USH2A: variants seen among roughly 807,000 people sequenced by gnomAD.
The protein encoded by USH2A is usherin.
Under a neutral mutation model 538.9 loss-of-function variants are expected in USH2A, and 443 were observed. The ratio of observed to expected loss-of-function variants is 0.82; its 90% CI spans 0.76 to 0.89. USH2A has a LOEUF of 0.89. USH2A is among the 40% of genes least tolerant of loss of function. The probability of loss-of-function intolerance (pLI) is 0.00; values close to 1 mark genes in which losing one functional copy is unlikely to be tolerated. For missense variants in USH2A, 6,633 were observed against 6,324.8 expected, an observed-to-expected ratio of 1.05 and a Z score of -1.65; for synonymous variants, 2,413 against 2,273.5, an observed-to-expected ratio of 1.06 and a Z score of -1.75.
At chr1:215,766,400 C>A (rs892629492) in intron 56 of USH2A, among the ~76,000 whole-genome samples, 11 of 152,094 alleles carry the variant, frequency 7.2e-5, no homozygotes, top group African/African-American at 2.2e-4. Flanking sequence ...ATATTAGATG[C>A]TCCCAAAATA....
chr1:215,804,802 G>A (rs1489591832), intron 49 of USH2A, among the ~76,000 whole-genome samples: 2 of 152,060 alleles, frequency 1.3e-5, no homozygotes, highest in African/African-American at 4.8e-5. Context: ...TCAAAGGATT[G>A]TAAATCATGC....
At chr1:215,845,615 T>G (rs902028529) in intron 45 of USH2A, among the ~76,000 whole-genome samples, 6 of 152,132 alleles carry the variant, frequency 3.9e-5, no homozygotes, top group African/African-American at 1.4e-4. Flanking sequence ...GGCTAATATC[T>G]CATTATTAGA....
At chr1:215,888,344 A>G (rs1174763853) in intron 41 of USH2A, 82 bp downstream of exon 41, 1 of 1,594,712 alleles carries the variant, frequency 6.3e-7, no homozygotes, top group Non-Finnish European at 8.5e-7. Flanking sequence ...TTGTTTAGTC[A>G]GTAGATGGCT....
chr1:215,727,959 G>A (rs1659876003), intron 61 of USH2A, 71 bp downstream of exon 61: 1 of 1,532,006 alleles, frequency 6.5e-7, no homozygotes, highest in Non-Finnish European at 9.0e-7. Context: ...ATGAGAAGTT[G>A]GACAAGAAAA....
At chr1:216,022,791 G>A (rs901418486) in intron 32 of USH2A, among the ~76,000 whole-genome samples, 6 of 152,158 alleles carry the variant, frequency 3.9e-5, no homozygotes, top group African/African-American at 1.4e-4. Flanking sequence ...CACCTGACGA[G>A]GAATATCTAA....
chr1:216,038,105 A>G (rs1426134935), intron 32 of USH2A, among the ~76,000 whole-genome samples: 1 of 152,016 alleles, frequency 6.6e-6, no homozygotes, highest in East Asian at 1.9e-4. Flanking sequence ...TCCCTTCTAA[A>G]TTGATGTGGA....
intron 47 of USH2A, among the ~76,000 whole-genome samples, chr1:215,836,526 TTATA>T (rs370622396): frequency 2.3e-4 from 6 of 26,486 alleles, no homozygotes; most frequent in East Asian, 1.7e-3. Flanking sequence ...ATAATATATA[TTATA>T]TATATATATA....
chr1:216,190,083 A>T (rs781629080), intron 20 of USH2A, 140 bp downstream of exon 20: 18 of 1,227,066 alleles, frequency 1.5e-5, no homozygotes, highest in Non-Finnish European at 1.9e-5. Context: ...GTTGTTTAAA[A>T]CTGTTGAGGT....
chr1:215,727,941 G>C (rs1659875642), intron 61 of USH2A, 89 bp downstream of exon 61: 24 of 1,454,424 alleles, frequency 1.7e-5, no homozygotes, highest in Non-Finnish European at 1.2e-5. Flanking sequence ...AGCCCTAAGT[G>C]AAGAAAAATG....
At chr1:216,070,809 T>G (rs1023431145) in intron 29 of USH2A, among the ~76,000 whole-genome samples, 1 of 150,550 alleles carries the variant, frequency 6.6e-6, no homozygotes, top group Non-Finnish European at 1.5e-5. Flanking sequence ...AAAAGCAAAG[T>G]TCTACCAGAT....
rs2102664789 is a variant in USH2A at position 215,674,264 on chromosome 1, T to C, written c.13647A>G (p.Leu4549=). The stretch of plus-strand genomic sequence containing the variant: ...TTCTCACTGGAGGGTCCCAGTTCAC[T>C]AAGATCTCCTGAGGACCCCTGGCCT... ...KLQARGPQEI[L]VNWDPPVRTN... Residue 4549 remains leucine, a synonymous_variant, in exon 63 of 72, where the codon TTA becomes TTG. Transcript: ENST00000307340. The C allele has an allele frequency of 1.9e-6, 3 of 1,614,156 alleles. No homozygotes were observed. In the South Asian group the frequency reaches 3.3e-5, roughly 18 times the overall value.
In USH2A at chr1:215,766,797, AG is replaced by A; in HGVS notation, c.10940-10del. The A allele has an allele frequency of 6.2e-7, 1 of 1,610,836 alleles. No individual in the cohort carries two copies. The highest frequency in any genetic ancestry group is 8.5e-7 in the Non-Finnish European group (1 of 1,177,074). ...GGTGTATGGCTGGAGACCTAGAAAAAGCAAGCAAGAAATAAAGTGCACCTTA... is the reference window on the plus strand; with the variant it reads ...GGTGTATGGCTGGAGACCTAGAAAAACAAGCAAGAAATAAAGTGCACCTTA... On this transcript the variant is annotated splice_polypyrimidine_tract_variant and intron_variant, in intron 55 of 71. Transcript: ENST00000307340.
chr1:216,318,865 C>A (rs778497035), intron 9 of USH2A, among the ~76,000 whole-genome samples: 23 of 152,024 alleles, frequency 1.5e-4, no homozygotes, highest in Non-Finnish European at 8.8e-5. Flanking sequence ...CAATCATGAG[C>A]CTTCATTCAT....
intron 60 of USH2A, among the ~76,000 whole-genome samples, chr1:215,731,980 T>C (rs1660006943): frequency 6.6e-6 from 1 of 152,216 alleles, no homozygotes; most frequent in South Asian, 2.1e-4. Flanking sequence ...AAAGTGGAGT[T>C]AATAACCTCA....
intron 14 of USH2A, among the ~76,000 whole-genome samples, chr1:216,229,267 C>A (rs1464801913): frequency 6.6e-6 from 1 of 151,814 alleles, no homozygotes; most frequent in Non-Finnish European, 1.5e-5. Flanking sequence ...AGACTCCAAC[C>A]TGCCCCTCAT....
At chr1:216,308,891 T>C (rs1194650785) in intron 9 of USH2A, among the ~76,000 whole-genome samples, 3 of 152,236 alleles carry the variant, frequency 2.0e-5, no homozygotes, top group Non-Finnish European at 4.4e-5. Context: ...TGCTTGTTTT[T>C]TGAGTATGTC....
chr1:215,816,089 T>A (rs1363753890), intron 48 of USH2A, among the ~76,000 whole-genome samples: 1 of 152,038 alleles, frequency 6.6e-6, no homozygotes, highest in Non-Finnish European at 1.5e-5. Context: ...TTTTCTTAAG[T>A]GGAGGATATG....
At chr1:216,248,639 T>C (rs540974365) in intron 12 of USH2A, among the ~76,000 whole-genome samples, 3 of 152,082 alleles carry the variant, frequency 2.0e-5, no homozygotes, top group African/African-American at 4.8e-5. Context: ...TTAATTTCAA[T>C]AAGGAAAATA....
At chr1:216,173,655 C>A (rs1226318058) in intron 21 of USH2A, among the ~76,000 whole-genome samples, 2 of 152,124 alleles carry the variant, frequency 1.3e-5, no homozygotes, top group East Asian at 1.9e-4. Context: ...ATAAGGCCAG[C>A]AAGGGAGATA....
Sources: gnomAD v4.1 joint callset for allele counts (sites outside exome capture counted in the v4.1 genomes callset) on GRCh38, gnomAD v4.1.1 for gene constraint, MANE v1.5 for transcripts, NCBI Gene and HGNC (gene_info 2026-07-23, HGNC 2026-07-21) for gene names.